Variants in RAPGEF1 observed in about 807,000 individuals in gnomAD.
The protein encoded by RAPGEF1 is Rap guanine nucleotide exchange factor 1, also known as CRK SH3-binding GNRP.
Under a neutral mutation model 143.3 loss-of-function variants are expected in RAPGEF1, and 33 were observed. The ratio of observed to expected loss-of-function variants is 0.23; its 90% CI spans 0.17 to 0.31. The LOEUF is 0.31. Ranked by LOEUF, RAPGEF1 falls within the 10% of genes least tolerant of loss-of-function variation. The pLI, the probability that RAPGEF1 is intolerant of heterozygous loss-of-function variation, is 1.00. For missense variants in RAPGEF1, 1,199 were observed against 1,645.4 expected (o/e 0.73, Z 4.69); for synonymous variants, 629 against 676.5 (o/e 0.93, Z 1.09).
intron 1 of RAPGEF1, among the ~76,000 whole-genome samples, chr9:131,718,923 C>T (rs978929685): frequency 3.9e-5 from 6 of 152,138 alleles, no homozygotes; most frequent in Non-Finnish European, 8.8e-5. Flanking sequence ...TTACAGAGCA[C>T]GTACACTTGA....
Position 131,677,838 on chromosome 9 carries a change from C to G in RAPGEF1, c.62-26889G>C, listed in dbSNP as rs574915857. ...GCTGCTGCAGAGCTCGGCCTTAACA[C>G]GAGTCTTGGTCTGCATCAATCCCAC... On this transcript the variant is annotated intron_variant, in intron 1 of 26. Transcript: ENST00000683357. 2.6e-5 allele frequency among the ~76,000 whole-genome samples: 4 copies of G among 152,294 alleles called. No homozygotes were observed. The South Asian group carries it at 8.3e-4, about 32-fold the overall frequency.
At chr9:131,709,513 C>A in intron 1 of RAPGEF1, 1 of 980,998 alleles carries the variant, frequency 1.0e-6, no homozygotes, top group Admixed American at 2.3e-5. Flanking sequence ...GTGCTTTCTG[C>A]TCTGGAAGGT....
intron 1 of RAPGEF1, chr9:131,725,311 C>T (rs985510897): frequency 2.0e-5 from 3 of 152,102 alleles, no homozygotes; most frequent in Admixed American, 1.3e-4. Flanking sequence ...CGTGGTAGTC[C>T]CAGAGGTTAA....
chr9:131,643,668 G>T (rs1265959463), intron 3 of RAPGEF1, among the ~76,000 whole-genome samples: 1 of 152,106 alleles, frequency 6.6e-6, no homozygotes, highest in Non-Finnish European at 1.5e-5. Context: ...AGACCCTGAG[G>T]TCTTGAAAAC....
intron 20 of RAPGEF1, 125 bp from the exon 21 acceptor site, chr9:131,588,151 C>T (rs1243591300): frequency 2.4e-6 from 2 of 835,830 alleles, no homozygotes; most frequent in Non-Finnish European, 1.9e-6. Context: ...GTGGAGGCTA[C>T]AGGGCGGGGA....
chr9:131,578,332 T>G lies in RAPGEF1; in HGVS notation c.*1165A>C, dbSNP rs1951422416. Reference sequence around the variant, plus strand: ...GGAAGCCGCTCTGGCGTGGGGAGAGTGGGGAGAGGGTGCGCTTGCTGCAGC... The same window carrying G: ...GGAAGCCGCTCTGGCGTGGGGAGAGGGGGGAGAGGGTGCGCTTGCTGCAGC... On this transcript the variant is annotated 3_prime_UTR_variant, in exon 27 of 27. Transcript: ENST00000683357. 1 of 152,166 alleles carries G rather than the reference T, an allele frequency of 6.6e-6. No individual in the cohort carries two copies. Among genetic ancestry groups the G allele is most frequent in the South Asian group, 2.1e-4 (1 of 4,820 alleles). 9.4% of individuals were successfully genotyped at this position (152,166 alleles called of 1,614,324 possible). A position where few individuals can be genotyped will look rare whatever the true frequency, so the allele number is the denominator to read the frequency against.
rs535632760 is a variant in RAPGEF1, at chr9:131,612,074, C to T, written c.2062-6886G>A. Among the ~76,000 whole-genome samples, 7 of 152,230 alleles carry T rather than the reference C, an allele frequency of 4.6e-5. No homozygotes were observed. In the East Asian group the frequency reaches 5.8e-4, roughly 13 times the overall value. On this transcript the variant is annotated intron_variant, in intron 12 of 26. Transcript: ENST00000683357. ...CCTCGATAGGGAAACAGTAGCCTGA[C>T]GTGGAAGTAAAGGCGAGAGGCACTG... is the stretch of plus-strand genomic sequence containing the variant.
At chr9:131,698,351 A>G (rs1304351175) in intron 1 of RAPGEF1, among the ~76,000 whole-genome samples, 3 of 152,228 alleles carry the variant, frequency 2.0e-5, no homozygotes, top group Admixed American at 2.0e-4. Context: ...TTAGGTCCCA[A>G]TTCTGCCACT....
At chr9:131,731,223 G>A (rs1241223313) in intron 1 of RAPGEF1, among the ~76,000 whole-genome samples, 1 of 152,186 alleles carries the variant, frequency 6.6e-6, no homozygotes, top group African/African-American at 2.4e-5. Context: ...AACCACAAGT[G>A]TAAAATATAC....
intron 1 of RAPGEF1, among the ~76,000 whole-genome samples, chr9:131,676,900 C>G (rs931328075): frequency 2.0e-5 from 3 of 152,084 alleles, no homozygotes; most frequent in African/African-American, 7.2e-5. Context: ...ATTCTTGGGC[C>G]CATGCCACAC....
At chr9:131,694,647 C>T (rs1834007441) in intron 1 of RAPGEF1, among the ~76,000 whole-genome samples, 1 of 151,934 alleles carries the variant, frequency 6.6e-6, no homozygotes, top group South Asian at 2.1e-4. Context: ...TGGCCAACTG[C>T]TTCACCTTCT....
chr9:131,686,626 G>A (rs140076583), intron 1 of RAPGEF1, among the ~76,000 whole-genome samples: 8 of 152,258 alleles, frequency 5.3e-5, no homozygotes, highest in Non-Finnish European at 7.4e-5. Context: ...CCTCCTAGAC[G>A]GGGTAATGAG....
At chr9:131,634,893 G>A (rs904591576) in intron 5 of RAPGEF1, among the ~76,000 whole-genome samples, 2 of 151,998 alleles carry the variant, frequency 1.3e-5, no homozygotes, top group South Asian at 2.1e-4. Context: ...CTTTGGCCTC[G>A]AGTGGCTCGG....
intron 1 of RAPGEF1, among the ~76,000 whole-genome samples, chr9:131,729,919 G>A (rs539754889): frequency 2.0e-4 from 31 of 152,204 alleles, no homozygotes; most frequent in Non-Finnish European, 4.0e-4. Context: ...AATTGGCTGG[G>A]CGCAGTGGCT....
chr9:131,711,134 T>C (rs1835476413), intron 1 of RAPGEF1, among the ~76,000 whole-genome samples: 1 of 150,052 alleles, frequency 6.7e-6, no homozygotes, highest in Non-Finnish European at 1.5e-5. Flanking sequence ...CACTGCAACC[T>C]CAACCTCCCT....
intron 17 of RAPGEF1, among the ~76,000 whole-genome samples, chr9:131,593,221 C>T (rs961069618): frequency 1.3e-5 from 2 of 152,218 alleles, no homozygotes; most frequent in African/African-American, 2.4e-5. Flanking sequence ...CCATGCCTGC[C>T]TCCTCTTAGA....
At position 131,588,064 on chromosome 9, in the gene RAPGEF1, G is replaced by A. The variant is rs1255844654; in HGVS notation, c.3054-38C>T. 4.5e-6 allele frequency: 7 copies of A among 1,559,906 alleles called. No homozygotes were observed. The South Asian group carries it at 4.6e-5, about 10-fold the overall frequency. On this transcript the variant is annotated intron_variant, in intron 20 of 26. Coordinates refer to ENST00000683357, the MANE Select transcript of RAPGEF1 (RefSeq NM_001377935.1). ...GGTGTGAGAAGAGCCGTCAGGGGTGGGGAGGCCGGTGGGGAGGGCTGAGCA... is the reference window on the plus strand; with the variant it reads ...GGTGTGAGAAGAGCCGTCAGGGGTGAGGAGGCCGGTGGGGAGGGCTGAGCA...
At chr9:131,671,757 A>G (rs1384197072) in intron 1 of RAPGEF1, among the ~76,000 whole-genome samples, 1 of 151,960 alleles carries the variant, frequency 6.6e-6, no homozygotes, top group African/African-American at 2.4e-5. Flanking sequence ...GAGCTGGGGG[A>G]GAACAGGTGC....
At chr9:131,738,932 C>T (rs1189205653) in intron 1 of RAPGEF1, among the ~76,000 whole-genome samples, 1 of 152,198 alleles carries the variant, frequency 6.6e-6, no homozygotes, top group Non-Finnish European at 1.5e-5. Flanking sequence ...AACCTGCTAC[C>T]GGGGTTATGA....
Sources: allele counts gnomAD v4.1 joint callset (sites outside exome capture counted in the v4.1 genomes callset), GRCh38; gene constraint gnomAD v4.1.1; transcripts MANE v1.5; gene names NCBI Gene and HGNC (gene_info 2026-07-23, HGNC 2026-07-21).